Variants in EPHA3 observed in about 807,000 individuals in gnomAD.
EPHA3 encodes ephrin type-A receptor 3.
EPHA3 carries 42 observed loss-of-function variants against 107.1 expected under a neutral mutation model. The observed-to-expected ratio is 0.39, with a 90% CI of 0.31 to 0.51. The LOEUF (loss-of-function observed/expected upper bound fraction) is 0.51, where lower values mean the gene tolerates loss of function less well. Ranked by LOEUF, EPHA3 falls within the 20% of genes least tolerant of loss-of-function variation. The probability of loss-of-function intolerance (pLI) is 0.78; values close to 1 mark genes in which losing one functional copy is unlikely to be tolerated. For missense variants in EPHA3, 1,183 were observed against 1,211.2 expected (o/e 0.98, Z 0.35); for synonymous variants, 461 against 424.8 (o/e 1.09, Z -1.05).
At chr3:89,131,953 C>T (rs1330104659) in intron 2 of EPHA3, among the ~76,000 whole-genome samples, 2 of 152,110 alleles carry the variant, frequency 1.3e-5, no homozygotes, top group Non-Finnish European at 2.9e-5. Context: ...GAAAATGGCC[C>T]CTCTGCGACT....
At chr3:89,433,490 T>C (rs1043416770) in intron 13 of EPHA3, among the ~76,000 whole-genome samples, 1 of 152,170 alleles carries the variant, frequency 6.6e-6, no homozygotes, top group Non-Finnish European at 1.5e-5. Context: ...TATTTCTAGA[T>C]GCATTGATAT....
chr3:89,340,399 T>G (rs149472156), intron 3 of EPHA3, among the ~76,000 whole-genome samples: 182 of 152,284 alleles, frequency 1.2e-3, no homozygotes, highest in African/African-American at 4.1e-3. Flanking sequence ...ATATTGTAGC[T>G]CATGAAAATT....
At chr3:89,188,113 A>G (rs1353183256) in intron 2 of EPHA3, among the ~76,000 whole-genome samples, 1 of 152,162 alleles carries the variant, frequency 6.6e-6, no homozygotes, top group East Asian at 1.9e-4. Flanking sequence ...TGATTTAATG[A>G]TTTTCATGAT....
At chr3:89,260,730 CA>C (rs1297813848) in intron 3 of EPHA3, among the ~76,000 whole-genome samples, 3 of 152,154 alleles carry the variant, frequency 2.0e-5, no homozygotes, top group East Asian at 3.9e-4. Context: ...CAAAATTTAA[CA>C]ATATTCTTCA....
chr3:89,143,996 A>G (rs1164337583), intron 2 of EPHA3, among the ~76,000 whole-genome samples: 2 of 151,388 alleles, frequency 1.3e-5, no homozygotes, highest in African/African-American at 4.8e-5. Flanking sequence ...TTCCCCATTT[A>G]CCCCCACAGT....
At chr3:89,443,047 G>A (rs530987616) in intron 13 of EPHA3, among the ~76,000 whole-genome samples, 14 of 152,172 alleles carry the variant, frequency 9.2e-5, no homozygotes, top group African/African-American at 3.4e-4. Context: ...AAATATATCA[G>A]ATATTTTAGT....
intron 5 of EPHA3, among the ~76,000 whole-genome samples, chr3:89,359,107 T>C (rs1416447064): frequency 6.6e-6 from 1 of 151,192 alleles, no homozygotes; most frequent in Non-Finnish European, 1.5e-5. Context: ...TATATAAAAC[T>C]AGAATGCATT....
At chr3:89,390,691 T>C (rs1230245204) in intron 5 of EPHA3, among the ~76,000 whole-genome samples, 1 of 152,016 alleles carries the variant, frequency 6.6e-6, no homozygotes, top group Non-Finnish European at 1.5e-5. Flanking sequence ...AGGCTGTCAT[T>C]GCAGTGGCCT....
chr3:89,140,858 T>A (rs1183410788), intron 2 of EPHA3, among the ~76,000 whole-genome samples: 1 of 151,714 alleles, frequency 6.6e-6, no homozygotes, highest in Non-Finnish European at 1.5e-5. Context: ...CTGCTTTAGC[T>A]CCTGCTGTGT....
intron 15 of EPHA3, among the ~76,000 whole-genome samples, chr3:89,454,889 G>A (rs1041916701): frequency 3.3e-5 from 5 of 152,022 alleles, no homozygotes; most frequent in African/African-American, 1.2e-4. Context: ...AGCTACTCAG[G>A]AGGCTGTAGC....
chr3:89,409,760 G>C (rs559116383), intron 9 of EPHA3, among the ~76,000 whole-genome samples: 4 of 152,168 alleles, frequency 2.6e-5, no homozygotes, highest in African/African-American at 7.2e-5. Context: ...GCTACGAACT[G>C]TTCCCTACAG....
intron 7 of EPHA3, 148 bp from the exon 8 acceptor site, chr3:89,407,121 A>G (rs1709069921): frequency 3.3e-6 from 2 of 598,166 alleles, no homozygotes; most frequent in Non-Finnish European, 5.8e-6. Context: ...TAAGTAAAGA[A>G]TACTTTCAAC....
chr3:89,211,359 A>T (rs938334399), intron 3 of EPHA3, among the ~76,000 whole-genome samples: 2 of 152,070 alleles, frequency 1.3e-5, no homozygotes, highest in African/African-American at 2.4e-5. Flanking sequence ...ACTTAGCATT[A>T]GGCAAGGTTT....
chr3:89,374,193 A>G (rs76095970), intron 5 of EPHA3, among the ~76,000 whole-genome samples: 6,898 of 151,974 alleles, frequency 0.045, 185 homozygotes, highest in Middle Eastern at 0.085. Flanking sequence ...CAAGTATACC[A>G]CATACAAAAG....
intron 3 of EPHA3, among the ~76,000 whole-genome samples, chr3:89,227,141 C>A (rs1198924153): frequency 1.3e-5 from 2 of 152,034 alleles, no homozygotes; most frequent in Non-Finnish European, 2.9e-5. Flanking sequence ...TCCTGAATGG[C>A]ATGTGTATTC....
Position 89,191,396 on chromosome 3 carries a change from T to C in EPHA3, c.154-18464T>C, listed in dbSNP as rs547926207. On this transcript the variant is annotated intron_variant, in intron 2 of 16. Transcript: ENST00000336596. ...ATCTCGGCTCACTGCAAGCTCCGCT[T>C]CCTGGGTTCACACCATTCTCCTGCC... is the stretch of plus-strand genomic sequence containing the variant. 9.9e-5 allele frequency among the ~76,000 whole-genome samples: 15 copies of C among 152,248 alleles called. No homozygotes were observed. The South Asian group carries it at 3.1e-3, about 32-fold the overall frequency.
intron 3 of EPHA3, among the ~76,000 whole-genome samples, chr3:89,217,331 C>T (rs1235002175): frequency 1.3e-5 from 2 of 152,084 alleles, no homozygotes; most frequent in African/African-American, 2.4e-5. Flanking sequence ...GCGGACAAAA[C>T]ATCCTGTTGG....
chr3:89,152,324 G>A (rs1704706724), intron 2 of EPHA3, among the ~76,000 whole-genome samples: 1 of 151,928 alleles, frequency 6.6e-6, no homozygotes, highest in South Asian at 2.1e-4. Flanking sequence ...AACCTAAAAC[G>A]ACCTCCTCAT....
At chr3:89,369,881 A>G (rs1390695321) in intron 5 of EPHA3, among the ~76,000 whole-genome samples, 1 of 150,778 alleles carries the variant, frequency 6.6e-6, no homozygotes. Flanking sequence ...GAAGACATTT[A>G]TGCAGCCAAA....
Sources: gnomAD v4.1 joint callset for allele counts (sites outside exome capture counted in the v4.1 genomes callset) on GRCh38, gnomAD v4.1.1 for gene constraint, MANE v1.5 for transcripts, NCBI Gene and HGNC (gene_info 2026-07-23, HGNC 2026-07-21) for gene names.